DLC1: variants seen among roughly 807,000 people sequenced by gnomAD.
DLC1 encodes the protein DLC1 Rho GTPase activating protein.
Under a neutral mutation model 140.3 loss-of-function variants are expected in DLC1, and 54 were observed. That is an observed-to-expected ratio of 0.38 (90% CI 0.31 to 0.48). The LOEUF is 0.48. Ranked by LOEUF, DLC1 falls within the 20% of genes least tolerant of loss-of-function variation. The pLI is 0.96. For synonymous variants in DLC1, 986 were observed against 728.1 expected (o/e 1.35, Z -5.70); for missense variants, 2,536 against 1,907.0 (o/e 1.33, Z -6.14).
intron 5 of DLC1, among the ~76,000 whole-genome samples, chr8:13,164,051 C>T (rs535814329): frequency 1.3e-4 from 20 of 152,142 alleles, no homozygotes; most frequent in African/African-American, 4.3e-4. Context: ...AATCCCAGCG[C>T]TTTGGGAGGC....
chr8:13,303,576 C>T (rs1200097244), intron 5 of DLC1, among the ~76,000 whole-genome samples: 8 of 152,026 alleles, frequency 5.3e-5, no homozygotes, highest in South Asian at 2.1e-4. Context: ...CCGAGGCGGG[C>T]GGATCACCTG....
rs189413453 is a variant in DLC1 at position 13,407,262 on chromosome 8, T to A, written c.1024-5643A>T. Among the ~76,000 whole-genome samples the A allele has an allele frequency of 2.6e-5, 4 of 152,284 alleles. No individual in the cohort carries two copies. In the South Asian group the frequency reaches 8.3e-4, roughly 32 times the overall value. On this transcript the variant is annotated intron_variant, in intron 2 of 17. Transcript: ENST00000276297. ...TGCAGTGGTATCTGGGGAAGATGAA[T>A]AGGGTTTTTAGAGAATCATTCTTTC...
intron 5 of DLC1, among the ~76,000 whole-genome samples, chr8:13,133,841 C>T (rs1370594163): frequency 6.6e-6 from 1 of 152,036 alleles, no homozygotes; most frequent in Non-Finnish European, 1.5e-5. Flanking sequence ...TCAGTGTTTC[C>T]AGATCTGTAA....
At chr8:13,428,098 C>G (rs1203844174) in intron 2 of DLC1, among the ~76,000 whole-genome samples, 2 of 152,066 alleles carry the variant, frequency 1.3e-5, no homozygotes, top group African/African-American at 4.8e-5. Context: ...GCTTGGGAGT[C>G]TTAATCTCAG....
upstream of DLC1, among the ~76,000 whole-genome samples, chr8:13,519,691 G>A (rs1802705625): frequency 6.6e-6 from 1 of 151,966 alleles, no homozygotes; most frequent in Admixed American, 6.6e-5. Flanking sequence ...CTGCTTTTTG[G>A]ACTACTGATG....
intron 5 of DLC1, among the ~76,000 whole-genome samples, chr8:13,135,228 A>G (rs1822474062): frequency 6.7e-6 from 1 of 148,836 alleles, no homozygotes; most frequent in Admixed American, 6.7e-5. Context: ...TTTTTGAGAC[A>G]AAGTCTCGCT....
chr8:13,302,271 C>A (rs2117507630), intron 5 of DLC1, among the ~76,000 whole-genome samples: 1 of 152,296 alleles, frequency 6.6e-6, no homozygotes, highest in East Asian at 1.9e-4. Context: ...GTTTGAGTTC[C>A]TATGGGGCAG....
At chr8:13,566,885 A>T in intron 1 of DLC1, 1 of 1,385,908 alleles carries the variant, frequency 7.2e-7, no homozygotes, top group South Asian at 1.6e-5. Context: ...ACCTCCGCAG[A>T]GCTGATGGCA....
intron 3 of DLC1, among the ~76,000 whole-genome samples, chr8:13,395,027 T>TATC (rs1836963127): frequency 2.2e-5 from 2 of 90,174 alleles, no homozygotes; most frequent in Admixed American, 1.1e-4. Flanking sequence ...TCTATCTATC[T>TATC]ATCTATCATC....
At chr8:13,573,559 G>C (rs1804738729) in intron 1 of DLC1, among the ~76,000 whole-genome samples, 1 of 152,120 alleles carries the variant, frequency 6.6e-6, no homozygotes, top group South Asian at 2.1e-4. Context: ...TGCAGTCTTT[G>C]ACCACTGGGA....
chr8:13,350,432 C>G (rs186428336), intron 4 of DLC1, among the ~76,000 whole-genome samples: 2 of 152,000 alleles, frequency 1.3e-5, no homozygotes, highest in Non-Finnish European at 2.9e-5. Context: ...AGAAAAACAC[C>G]AGGCCAGGCG....
chr8:13,466,768 A>T (rs1289061162), intron 2 of DLC1, among the ~76,000 whole-genome samples: 1 of 152,186 alleles, frequency 6.6e-6, no homozygotes, highest in Non-Finnish European at 1.5e-5. Context: ...AGTTCTATGT[A>T]CATTAGATTT....
At chr8:13,257,073 C>G (rs150131263) in intron 5 of DLC1, among the ~76,000 whole-genome samples, 5 of 151,860 alleles carry the variant, frequency 3.3e-5, no homozygotes, top group South Asian at 2.1e-4. Context: ...AAGATATGAT[C>G]GAGACCAAGT....
intron 2 of DLC1, among the ~76,000 whole-genome samples, chr8:13,471,767 A>G (rs1346524037): frequency 6.6e-6 from 1 of 152,144 alleles, no homozygotes; most frequent in Non-Finnish European, 1.5e-5. Flanking sequence ...AGAAAAAAAG[A>G]AAAGCAGCCT....
chr8:13,321,684 C>T (rs1586134722), intron 4 of DLC1, among the ~76,000 whole-genome samples: 1 of 152,046 alleles, frequency 6.6e-6, no homozygotes, highest in East Asian at 1.9e-4. Flanking sequence ...ATCATACATA[C>T]CTTGAATCAG....
intron 4 of DLC1, among the ~76,000 whole-genome samples, chr8:13,345,768 A>G (rs543479811): frequency 2.6e-5 from 4 of 152,112 alleles, no homozygotes; most frequent in African/African-American, 9.6e-5. Context: ...CATGTTGGCC[A>G]GGCTGGTCTC....
chr8:13,136,813 G>A (rs1822594607), intron 5 of DLC1, among the ~76,000 whole-genome samples: 1 of 152,184 alleles, frequency 6.6e-6, no homozygotes, highest in South Asian at 2.1e-4. Flanking sequence ...GGGATTACAG[G>A]TGTGAGCCAC....
intron 4 of DLC1, chr8:13,341,395 T>C (rs1337034529): frequency 6.6e-6 from 1 of 152,168 alleles, no homozygotes; most frequent in Non-Finnish European, 1.5e-5. Flanking sequence ...AACTCCAGCG[T>C]GCGTCAGAAT....
chr8:13,357,964 A>G (rs117336647), intron 4 of DLC1, among the ~76,000 whole-genome samples: 39 of 152,336 alleles, frequency 2.6e-4, no homozygotes, highest in African/African-American at 4.3e-4. Context: ...ATATATGTAT[A>G]TACATTAGGT....
Sources: gnomAD v4.1 joint callset for allele counts (sites outside exome capture counted in the v4.1 genomes callset) on GRCh38, gnomAD v4.1.1 for gene constraint, MANE v1.5 for transcripts, NCBI Gene and HGNC (gene_info 2026-07-23, HGNC 2026-07-21) for gene names.